Variants in CAMK2D observed in about 807,000 individuals in gnomAD.
CAMK2D encodes calcium/calmodulin-dependent protein kinase type II subunit delta.
In CAMK2D, 37 loss-of-function variants were observed where a neutral mutation model predicts 84.0. The observed-to-expected ratio is 0.44, with a 90% CI of 0.34 to 0.58. The LOEUF (loss-of-function observed/expected upper bound fraction) is 0.58. Ranked by LOEUF, CAMK2D falls within the 20% of genes least tolerant of loss-of-function variation. CAMK2D has a pLI of 0.02. For synonymous variants in CAMK2D, 202 were observed against 212.5 expected, an observed-to-expected ratio of 0.95 and a Z score of 0.43; for missense variants, 448 against 652.5, an observed-to-expected ratio of 0.69 and a Z score of 3.41.
At chr4:113,713,817 T>C (rs1489183113) in intron 2 of CAMK2D, among the ~76,000 whole-genome samples, 1 of 151,744 alleles carries the variant, frequency 6.6e-6, no homozygotes, top group Admixed American at 6.6e-5. Context: ...GATATTTTTT[T>C]TCTCTCAGGC....
intron 4 of CAMK2D, among the ~76,000 whole-genome samples, chr4:113,607,272 A>G (rs1366735480): frequency 3.3e-5 from 5 of 152,194 alleles, no homozygotes; most frequent in African/African-American, 1.2e-4. Flanking sequence ...AGATGAAACT[A>G]CGGCCACATG....
intron 4 of CAMK2D, among the ~76,000 whole-genome samples, chr4:113,552,406 T>C (rs1185490439): frequency 1.3e-5 from 2 of 152,194 alleles, no homozygotes; most frequent in Admixed American, 6.5e-5. Context: ...TGACAAAATT[T>C]TGGCACAGTT....
intron 3 of CAMK2D, among the ~76,000 whole-genome samples, chr4:113,625,660 T>C (rs532321298): frequency 6.6e-6 from 1 of 151,750 alleles, no homozygotes; most frequent in Admixed American, 6.6e-5. Flanking sequence ...AGATCAGAGG[T>C]GTGAGTATCG....
chr4:113,559,592 G>A (rs975735300), intron 4 of CAMK2D, among the ~76,000 whole-genome samples: 1 of 152,230 alleles, frequency 6.6e-6, no homozygotes, highest in African/African-American at 2.4e-5. Context: ...TCCTACCAGG[G>A]TTAGGCTGAA....
intron 7 of CAMK2D, among the ~76,000 whole-genome samples, chr4:113,535,300 C>G (rs548997573): frequency 4.1e-4 from 63 of 152,218 alleles, no homozygotes; most frequent in African/African-American, 1.5e-3. Context: ...CCTTAGAGTT[C>G]ATATTTCCTG....
intron 4 of CAMK2D, among the ~76,000 whole-genome samples, chr4:113,567,204 G>C (rs1299669967): frequency 7.7e-6 from 1 of 129,812 alleles, no homozygotes; most frequent in Non-Finnish European, 1.6e-5. Flanking sequence ...GTCTCGCTCT[G>C]TCACCCAGGC....
At chr4:113,515,897 A>G (rs1291270650) in intron 9 of CAMK2D, among the ~76,000 whole-genome samples, 2 of 152,232 alleles carry the variant, frequency 1.3e-5, no homozygotes, top group Non-Finnish European at 2.9e-5. Flanking sequence ...AGACTATATA[A>G]GAAAGCTACT....
In CAMK2D at chr4:113,658,592, C is replaced by T. The variant is rs115025287; in HGVS notation, c.220+3121G>A. On this transcript the variant is annotated intron_variant, in intron 3 of 20. Transcript: ENST00000511664. Reference sequence around the variant, plus strand: ...CTTCCTATTTTTCCTCAACAATTATCACCATCTAATATCCAATGCTTTGTT... The same window carrying T: ...CTTCCTATTTTTCCTCAACAATTATTACCATCTAATATCCAATGCTTTGTT... Among the ~76,000 whole-genome samples the T allele has an allele frequency of 7.0e-3, 1,068 of 152,276 alleles. 9 individuals are homozygous for T. The highest frequency in any genetic ancestry group is 0.011 in the Non-Finnish European group (750 of 68,008).
Position 113,451,504 on chromosome 4 carries a change from T to C in CAMK2D, c.*3041A>G, listed in dbSNP as rs1043559702. On this transcript the variant is annotated 3_prime_UTR_variant, in exon 21 of 21. Transcript: ENST00000511664. ...TATGTTTATTCTCATTTTACAAATA[T>C]GGAAACTGAGGGTCAGAGGGAAGAG... 3.9e-5 allele frequency: 6 copies of C among 152,176 alleles called. No individual in the cohort carries two copies. In the South Asian group the frequency reaches 6.2e-4, roughly 16 times the overall value. 9.4% of individuals were successfully genotyped at this position (152,176 alleles called of 1,614,324 possible).
At chr4:113,469,839 T>C (rs1427133461) in intron 16 of CAMK2D, among the ~76,000 whole-genome samples, 1 of 152,224 alleles carries the variant, frequency 6.6e-6, no homozygotes, top group Non-Finnish European at 1.5e-5. Context: ...CATTAAGTTC[T>C]GTTGAATTTG....
At chr4:113,644,349 T>C (rs1298738043) in intron 3 of CAMK2D, among the ~76,000 whole-genome samples, 4 of 152,210 alleles carry the variant, frequency 2.6e-5, no homozygotes, top group Admixed American at 6.5e-5. Context: ...GTCAAAATTA[T>C]TCTAGAAGCA....
chr4:113,495,813 G>A (rs1564631508), intron 16 of CAMK2D, among the ~76,000 whole-genome samples: 1 of 152,096 alleles, frequency 6.6e-6, no homozygotes, highest in Non-Finnish European at 1.5e-5. Context: ...TGTGTAAGAA[G>A]GATGAAATGC....
chr4:113,712,815 C>T lies in CAMK2D; in HGVS notation c.160+46505G>A, dbSNP rs72899804. On this transcript the variant is annotated intron_variant, in intron 2 of 20. Coordinates refer to ENST00000511664, the MANE Select transcript of CAMK2D (RefSeq NM_001321571.2). The stretch of plus-strand genomic sequence containing the variant: ...AAAAAAAGTCATATATATACATAAA[C>T]CCTCAAGCCTCCATCTTTTTCCTTC... 9.3e-3 allele frequency among the ~76,000 whole-genome samples: 1,418 copies of T among 152,036 alleles called. 26 individuals carry two copies. The highest frequency in any genetic ancestry group is 0.032 in the African/African-American group (1,339 of 41,480).
chr4:113,634,230 T>C (rs528778043), intron 3 of CAMK2D, among the ~76,000 whole-genome samples: 1 of 152,296 alleles, frequency 6.6e-6, no homozygotes, highest in African/African-American at 2.4e-5. Flanking sequence ...CATTTACACG[T>C]TGTAGGGAAT....
At chr4:113,497,702 G>C (rs1024809786) in intron 16 of CAMK2D, among the ~76,000 whole-genome samples, 9 of 152,196 alleles carry the variant, frequency 5.9e-5, no homozygotes, top group Non-Finnish European at 1.3e-4. Flanking sequence ...TCCCTGCCAG[G>C]TTAGTCCTTG....
intron 3 of CAMK2D, among the ~76,000 whole-genome samples, chr4:113,621,936 G>A (rs2099047926): frequency 6.6e-6 from 1 of 152,096 alleles, no homozygotes; most frequent in African/African-American, 2.4e-5. Context: ...TTAACTAAAT[G>A]AACTACGAAA....
chr4:113,643,751 T>A lies in CAMK2D; in HGVS notation c.220+17962A>T, dbSNP rs192068856. On this transcript the variant is annotated intron_variant, in intron 3 of 20. Coordinates refer to ENST00000511664, the MANE Select transcript of CAMK2D (RefSeq NM_001321571.2). ...GGCTCTTTGCCTTGATTCCAAGTGC[T>A]TATTTCCCTTTCCAGGGGAAATTTA... Among the ~76,000 whole-genome samples, 233 of 152,350 alleles carry A rather than the reference T, an allele frequency of 1.5e-3. 7 individuals carry two copies. The highest frequency in any genetic ancestry group is 4.9e-4 in the Non-Finnish European group (33 of 68,028).
chr4:113,576,448 A>C (rs1287767887), intron 4 of CAMK2D, among the ~76,000 whole-genome samples: 1 of 152,178 alleles, frequency 6.6e-6, no homozygotes, highest in Non-Finnish European at 1.5e-5. Context: ...GCTATCTTAA[A>C]TCCAAAACAG....
At chr4:113,524,753 A>T (rs184057028) in intron 8 of CAMK2D, among the ~76,000 whole-genome samples, 15 of 152,298 alleles carry the variant, frequency 9.8e-5, no homozygotes, top group Non-Finnish European at 1.5e-4. Flanking sequence ...CTCTGAATGA[A>T]CCATGTGGTT....
Sources: allele counts gnomAD v4.1 joint callset (sites outside exome capture counted in the v4.1 genomes callset), GRCh38; gene constraint gnomAD v4.1.1; transcripts MANE v1.5; gene names NCBI Gene and HGNC (gene_info 2026-07-23, HGNC 2026-07-21).